MAGI2: variants seen among roughly 807,000 people sequenced by gnomAD.
MAGI2 encodes the protein membrane-associated guanylate kinase, WW and PDZ domain-containing protein 2.
MAGI2 carries 35 observed loss-of-function variants against 133.3 expected under a neutral mutation model. That is an observed-to-expected ratio of 0.26 (90% CI 0.20 to 0.35). The LOEUF (loss-of-function observed/expected upper bound fraction) is 0.35, where lower values mean the gene tolerates loss of function less well. MAGI2 is among the 10% of genes least tolerant of loss of function. MAGI2 has a pLI of 1.00. For missense variants in MAGI2, 1,636 were observed against 1,863.4 expected (o/e 0.88, Z 2.25); for synonymous variants, 729 against 710.6 (o/e 1.03, Z -0.41).
intron 10 of MAGI2, among the ~76,000 whole-genome samples, chr7:78,236,039 T>C (rs1790504150): frequency 6.6e-6 from 1 of 151,872 alleles, no homozygotes; most frequent in African/African-American, 2.4e-5. Flanking sequence ...TTTTTTTTTT[T>C]TTTTTCTGAG....
intron 6 of MAGI2, among the ~76,000 whole-genome samples, chr7:78,483,414 A>G (rs2215934): frequency 0.39 from 59,452 of 151,558 alleles, 14,118 homozygotes; most frequent in East Asian, 0.68. Flanking sequence ...CTTTATAGCC[A>G]CATGAAATAT....
In MAGI2 at chr7:78,545,241, G is replaced by C. The variant is rs149003521; in HGVS notation, c.539-23596C>G. Among the ~76,000 whole-genome samples the C allele has an allele frequency of 1.7e-3, 199 of 116,752 alleles. 3 individuals carry two copies. Among genetic ancestry groups the C allele is most frequent in the African/African-American group, 6.2e-3 (183 of 29,386 alleles). The allele number at this position is 116,752 out of a possible 152,430, so 76.6% of individuals were successfully genotyped here. Reference sequence around the variant, plus strand: ...TTTTTTTTTTTTTTTTTTTGAGACAGTCTTGCTGTCATCCAGGCTGGAGAG... The same window carrying C: ...TTTTTTTTTTTTTTTTTTTGAGACACTCTTGCTGTCATCCAGGCTGGAGAG... On this transcript the variant is annotated intron_variant, in intron 3 of 21. Transcript: ENST00000354212.
chr7:79,224,382 C>T (rs1457642400), intron 1 of MAGI2, among the ~76,000 whole-genome samples: 4 of 151,994 alleles, frequency 2.6e-5, no homozygotes. Context: ...TTACCTTGTG[C>T]TATAGTAATG....
chr7:78,407,853 G>A (rs1797527672), intron 6 of MAGI2, among the ~76,000 whole-genome samples: 2 of 131,210 alleles, frequency 1.5e-5, no homozygotes, highest in South Asian at 2.4e-4. Flanking sequence ...TTCAGGGCTG[G>A]TTTTCCTCTA....
chr7:78,715,055 T>C lies in MAGI2; in HGVS notation c.419-87816A>G, dbSNP rs1238597127. Among the ~76,000 whole-genome samples the C allele has an allele frequency of 3.9e-5, 6 of 152,216 alleles. No individual in the cohort carries two copies. In the East Asian group the frequency reaches 1.2e-3, roughly 29 times the overall value. On this transcript the variant is annotated intron_variant, in intron 2 of 21. Transcript: ENST00000354212. ...TCTGTAGCCTTTGTTAAGGAGAGAG[T>C]CCTGTGTTTAGCATTGGCACTAAGG...
chr7:78,473,733 G>C (rs945090091), intron 6 of MAGI2, among the ~76,000 whole-genome samples: 4 of 151,906 alleles, frequency 2.6e-5, no homozygotes, highest in African/African-American at 7.2e-5. Context: ...AGTTATACAA[G>C]GATGCAGTGG....
chr7:78,336,481 G>T (rs1037474845), intron 9 of MAGI2, among the ~76,000 whole-genome samples: 2 of 152,164 alleles, frequency 1.3e-5, no homozygotes, highest in Non-Finnish European at 2.9e-5. Flanking sequence ...CCAGGATTTT[G>T]GGAGGCCAAG....
intron 6 of MAGI2, among the ~76,000 whole-genome samples, chr7:78,472,926 G>T (rs1339721999): frequency 6.6e-6 from 1 of 152,122 alleles, no homozygotes; most frequent in Non-Finnish European, 1.5e-5. Flanking sequence ...TGGCGAGGTA[G>T]TATAGGGGAA....
chr7:78,062,298 C>T (rs1813366064), intron 21 of MAGI2, among the ~76,000 whole-genome samples: 1 of 152,178 alleles, frequency 6.6e-6, no homozygotes, highest in South Asian at 2.1e-4. Flanking sequence ...TGGCTCAGAA[C>T]ATGGGGAGGC....
intron 2 of MAGI2, among the ~76,000 whole-genome samples, chr7:78,852,635 C>T (rs956320502): frequency 3.9e-5 from 6 of 152,110 alleles, no homozygotes; most frequent in African/African-American, 1.4e-4. Flanking sequence ...TTTAACACAA[C>T]ACTAATCTAC....
At chr7:78,554,291 G>A (rs758603164) in intron 3 of MAGI2, among the ~76,000 whole-genome samples, 14 of 152,188 alleles carry the variant, frequency 9.2e-5, no homozygotes, top group Non-Finnish European at 1.9e-4. Flanking sequence ...GCTTGTGAAA[G>A]TGCTCCATGG....
At chr7:78,105,538 CTAT>C (rs1372526545) in intron 20 of MAGI2, among the ~76,000 whole-genome samples, 3 of 152,062 alleles carry the variant, frequency 2.0e-5, no homozygotes, top group Admixed American at 6.5e-5. Context: ...ATATACATTT[CTAT>C]TATTATGGTG....
intron 2 of MAGI2, among the ~76,000 whole-genome samples, chr7:78,739,327 G>A (rs1822169628): frequency 6.6e-6 from 1 of 152,160 alleles, no homozygotes; most frequent in African/African-American, 2.4e-5. Context: ...TTGGGGTTGC[G>A]GGTAGGTAGC....
intron 2 of MAGI2, among the ~76,000 whole-genome samples, chr7:78,650,427 G>T (rs1811432501): frequency 6.6e-6 from 1 of 152,102 alleles, no homozygotes; most frequent in Admixed American, 6.6e-5. Context: ...GCCTTCAAAA[G>T]CAAGGGTCCC....
At chr7:79,096,355 T>G (rs1319858198) in intron 1 of MAGI2, among the ~76,000 whole-genome samples, 2 of 152,162 alleles carry the variant, frequency 1.3e-5, no homozygotes, top group African/African-American at 2.4e-5. Context: ...CGATGACCAT[T>G]CCTAGCTCTG....
intron 2 of MAGI2, among the ~76,000 whole-genome samples, chr7:78,918,318 A>G (rs1798956334): frequency 6.6e-6 from 1 of 152,170 alleles, no homozygotes; most frequent in Admixed American, 6.5e-5. Flanking sequence ...TTTCAATACC[A>G]TATCTATGAT....
chr7:78,892,601 A>G (rs1411075401), intron 2 of MAGI2, among the ~76,000 whole-genome samples: 1 of 152,254 alleles, frequency 6.6e-6, no homozygotes, highest in Non-Finnish European at 1.5e-5. Context: ...TGGATCTTTG[A>G]CAAGCCTGAC....
At chr7:78,710,571 G>A (rs1029464641) in intron 2 of MAGI2, among the ~76,000 whole-genome samples, 6 of 152,104 alleles carry the variant, frequency 3.9e-5, no homozygotes, top group African/African-American at 1.4e-4. Context: ...TTCCTCAGGG[G>A]GCTATTGCAA....
At chr7:79,403,413 C>T (rs976830007) in intron 1 of MAGI2, among the ~76,000 whole-genome samples, 5 of 151,856 alleles carry the variant, frequency 3.3e-5, no homozygotes, top group African/African-American at 9.7e-5. Context: ...GAAATGTAGA[C>T]ATCTTGGAAA....
Sources: gnomAD v4.1 joint callset for allele counts (sites outside exome capture counted in the v4.1 genomes callset) on GRCh38, gnomAD v4.1.1 for gene constraint, MANE v1.5 for transcripts, NCBI Gene and HGNC (gene_info 2026-07-23, HGNC 2026-07-21) for gene names.